PAIP2: variants seen among roughly 807,000 people sequenced by gnomAD.
PAIP2 encodes poly(A) binding protein interacting protein 2.
In PAIP2, 7 loss-of-function variants were observed where a neutral mutation model predicts 14.8. The observed-to-expected ratio is 0.47, with a 90% CI of 0.27 to 0.89. The LOEUF (loss-of-function observed/expected upper bound fraction) is 0.89, where lower values mean the gene tolerates loss of function less well. Among genes scored for constraint, PAIP2 ranks in the 40% least tolerant of loss-of-function variants. The pLI is 0.13. For missense variants in PAIP2, 122 were observed against 154.7 expected, an observed-to-expected ratio of 0.79 and a Z score of 1.12; for synonymous variants, 47 against 45.3, an observed-to-expected ratio of 1.04 and a Z score of -0.15.
intron 1 of PAIP2, among the ~76,000 whole-genome samples, chr5:139,346,680 C>T (rs1756560201): frequency 6.7e-6 from 1 of 150,026 alleles, no homozygotes; most frequent in Non-Finnish European, 1.5e-5. Flanking sequence ...TACAAGCGTG[C>T]ACCTCCATGT....
chr5:139,364,391 C>T (rs1457997557), intron 2 of PAIP2, among the ~76,000 whole-genome samples, 173 bp from the exon 3 acceptor site: 1 of 152,156 alleles, frequency 6.6e-6, no homozygotes, highest in East Asian at 1.9e-4. Context: ...TAGAAAAACC[C>T]TAAACAGATA....
chr5:139,351,768 C>T (rs1465425107), intron 1 of PAIP2, among the ~76,000 whole-genome samples: 4 of 151,998 alleles, frequency 2.6e-5, no homozygotes, highest in African/African-American at 4.8e-5. Flanking sequence ...AAGTAATCCT[C>T]CTGTCTCAGC....
At chr5:139,367,053 A>G (rs1249783341) in intron 3 of PAIP2, 3 of 152,202 alleles carry the variant, frequency 2.0e-5, no homozygotes, top group Non-Finnish European at 4.4e-5. Context: ...GAGCGAGTCC[A>G]TGTCTCAAAA....
chr5:139,364,167 G>A (rs191070502), intron 2 of PAIP2: 144 of 482,762 alleles, frequency 3.0e-4, no homozygotes, highest in Middle Eastern at 1.1e-3. Flanking sequence ...TGGAGCCTGG[G>A]AAACTTTTTC....
chr5:139,364,641 A>G lies in PAIP2; in HGVS notation c.216A>G (p.Glu72=). Residue 72 remains glutamate, a synonymous_variant, in exon 3 of 4, where the codon GAA becomes GAG. Transcript: ENST00000265192. ...QEMLEEEEEH[E]WFIPARDLPQ... is the part of the protein sequence containing the mutation. ...TGCTGGAAGAGGAAGAAGAGCATGA[A>G]TGGTTTATTCCAGCTCGAGATCTCC... The G allele has an allele frequency of 6.2e-7, 1 of 1,611,692 alleles. No individual in the cohort carries two copies. The highest frequency in any genetic ancestry group is 8.5e-7 in the Non-Finnish European group (1 of 1,177,776).
intron 3 of PAIP2, among the ~76,000 whole-genome samples, 192 bp from the exon 4 acceptor site, chr5:139,368,541 G>GAA (rs1317913129): frequency 1.3e-5 from 2 of 151,500 alleles, no homozygotes; most frequent in Admixed American, 1.3e-4. Flanking sequence ...AAAAAGAAAA[G>GAA]AAAAAGTTGA....
chr5:139,352,505 T>TTTTTTTTTTTTTTTTTTTTTTTTTTTG (rs1561959085), intron 1 of PAIP2, among the ~76,000 whole-genome samples: 1 of 147,204 alleles, frequency 6.8e-6, no homozygotes, highest in African/African-American at 2.5e-5. Context: ...TTTTGTTGTT[T>TTTTTTTTTTTTTTTTTTTTTTTTTTTG]TTTTTTTTTG....
rs969896520 is a variant in PAIP2 at position 139,368,979 on chromosome 5, A to G, written c.*181A>G. 2 of 496,354 alleles carry G rather than the reference A, an allele frequency of 4.0e-6. No homozygotes were observed. Among genetic ancestry groups the G allele is most frequent in the Non-Finnish European group, 7.3e-6 (2 of 275,136 alleles). 30.7% of individuals were successfully genotyped at this position (496,354 alleles called of 1,614,324 possible). A position where few individuals can be genotyped will look rare whatever the true frequency, so the allele number is the denominator to read the frequency against. On this transcript the variant is annotated 3_prime_UTR_variant, in exon 4 of 4. Coordinates refer to ENST00000265192, the MANE Select transcript of PAIP2 (RefSeq NM_016480.5). Reference sequence around the variant, plus strand: ...CTGTTACTAAGTAAAAAGCTGTCAAACATTTACTGAAAATAGAATTGGCCC... The same window carrying G: ...CTGTTACTAAGTAAAAAGCTGTCAAGCATTTACTGAAAATAGAATTGGCCC...
intron 1 of PAIP2, among the ~76,000 whole-genome samples, chr5:139,348,766 C>T (rs1756635823): frequency 6.6e-6 from 1 of 151,544 alleles, no homozygotes; most frequent in South Asian, 2.1e-4. Flanking sequence ...CAACCTCTGC[C>T]TCCCAGGTTC....
chr5:139,354,110 T>C (rs1358955201), intron 1 of PAIP2, among the ~76,000 whole-genome samples: 2 of 152,228 alleles, frequency 1.3e-5, no homozygotes. Context: ...TAAGTTACTT[T>C]TACTGGCATT....
intron 3 of PAIP2, 31 bp from the exon 4 acceptor site, chr5:139,368,702 G>T: frequency 1.3e-6 from 2 of 1,511,178 alleles, no homozygotes; most frequent in Non-Finnish European, 1.8e-6. Context: ...CTGTGTTAAT[G>T]AACTTGCTTT....
rs554669690 is a variant in PAIP2 at position 139,362,405 on chromosome 5, G to GTTTT, written c.-26-1335_-26-1332dup. ...CCAGCTAAATTTTTTGTTTTTGGGT[G>GTTTT]TTTTTTTTTTTTTTTTTTTTTTGAG... On this transcript the variant is annotated intron_variant, in intron 1 of 3. Transcript: ENST00000265192. 3.2e-3 allele frequency among the ~76,000 whole-genome samples: 239 copies of GTTTT among 73,916 alleles called. 1 individual carries two copies. The highest frequency in any genetic ancestry group is 0.01 in the African/African-American group (192 of 19,194). The allele number at this position is 73,916 out of a possible 152,430, so 48.5% of individuals were successfully genotyped here. A position where few individuals can be genotyped will look rare whatever the true frequency, so the allele number is the denominator to read the frequency against.
intron 3 of PAIP2, 36 bp downstream of exon 3, chr5:139,364,779 G>C: frequency 7.4e-7 from 1 of 1,347,180 alleles, no homozygotes; most frequent in Non-Finnish European, 1.0e-6. Context: ...AAAACCTAGT[G>C]CATCTTTTGC....
At chr5:139,368,316 G>C (rs1757421526) in intron 3 of PAIP2, among the ~76,000 whole-genome samples, 2 of 151,932 alleles carry the variant, frequency 1.3e-5, no homozygotes, top group South Asian at 4.2e-4. Flanking sequence ...CTGCAGCCTG[G>C]GTGACAGAGT....
intron 1 of PAIP2, among the ~76,000 whole-genome samples, chr5:139,362,744 A>G (rs932688911): frequency 6.6e-6 from 1 of 151,704 alleles, no homozygotes; most frequent in Non-Finnish European, 1.5e-5. Context: ...GGGTTTCACC[A>G]TGTTAGGCTG....
At chr5:139,348,037 G>T (rs1561957186) in intron 1 of PAIP2, among the ~76,000 whole-genome samples, 1 of 151,602 alleles carries the variant, frequency 6.6e-6, no homozygotes, top group Non-Finnish European at 1.5e-5. Flanking sequence ...CCAGGCACAG[G>T]CATGGTGTTA....
At chr5:139,345,975 A>G (rs1297574869) in intron 1 of PAIP2, among the ~76,000 whole-genome samples, 1 of 152,136 alleles carries the variant, frequency 6.6e-6, no homozygotes, top group Admixed American at 6.6e-5. Context: ...CTAGTGGAGA[A>G]AGATTGTAAA....
At chr5:139,347,290 T>TA (rs1756580694) in intron 1 of PAIP2, among the ~76,000 whole-genome samples, 2 of 149,950 alleles carry the variant, frequency 1.3e-5, no homozygotes, top group African/African-American at 5.0e-5. Context: ...TTTTTTTTTT[T>TA]TAAGACACAG....
At chr5:139,342,280 C>T (rs1407347626) in intron 1 of PAIP2, among the ~76,000 whole-genome samples, 7 of 152,128 alleles carry the variant, frequency 4.6e-5, no homozygotes, top group Non-Finnish European at 5.9e-5. Flanking sequence ...AGCACTTTCT[C>T]CTGTTCCTCA....
Sources: gnomAD v4.1 joint callset for allele counts (sites outside exome capture counted in the v4.1 genomes callset) on GRCh38, gnomAD v4.1.1 for gene constraint, MANE v1.5 for transcripts, NCBI Gene and HGNC (gene_info 2026-07-23, HGNC 2026-07-21) for gene names.